Variants in DNAJA1 observed in about 807,000 individuals in gnomAD.
The protein encoded by DNAJA1 is DnaJ heat shock protein family (Hsp40) member A1.
A neutral mutation model predicts 47.6 loss-of-function variants in DNAJA1; 26 were observed. The observed-to-expected ratio is 0.55, with a 90% CI of 0.40 to 0.76. The LOEUF (loss-of-function observed/expected upper bound fraction) is 0.76. DNAJA1 is among the 30% of genes least tolerant of loss of function. DNAJA1 has a pLI of 0.00. For missense variants in DNAJA1, 315 were observed against 485.0 expected (o/e 0.65, Z 3.29); for synonymous variants, 165 against 158.4 (o/e 1.04, Z -0.31).
chr9:33,032,888 A>G (rs933528290), intron 5 of DNAJA1, among the ~76,000 whole-genome samples: 2 of 152,178 alleles, frequency 1.3e-5, no homozygotes, highest in Non-Finnish European at 2.9e-5. Context: ...GTCATGAGTT[A>G]GTAACTGCTG....
chr9:33,031,153 A>G (rs916263565), intron 5 of DNAJA1, among the ~76,000 whole-genome samples: 4 of 152,136 alleles, frequency 2.6e-5, no homozygotes, highest in Non-Finnish European at 4.4e-5. Context: ...GGAGTGTGCA[A>G]TGGCACGATC....
At chr9:33,030,031 C>A (rs1259494859) in intron 4 of DNAJA1, 42 bp downstream of exon 4, 1 of 1,550,518 alleles carries the variant, frequency 6.4e-7, no homozygotes, top group Non-Finnish European at 8.8e-7. Flanking sequence ...TTTTTAAGCA[C>A]CTTTAATATG....
In DNAJA1 at chr9:33,037,317, CAA is replaced by C. The variant is rs869097293; in HGVS notation, c.975+216_975+217del. On this transcript the variant is annotated intron_variant, in intron 8 of 8. Coordinates refer to ENST00000330899, the MANE Select transcript of DNAJA1 (RefSeq NM_001539.4). Reference sequence around the variant, plus strand: ...GTGAAACCCTGTCTCTTTAAAAAAACAAAAAAAAAAAAAAATTAAAATTTCTG... The same window carrying C: ...GTGAAACCCTGTCTCTTTAAAAAAACAAAAAAAAAAAAATTAAAATTTCTG... 778 of 159,676 alleles carry C rather than the reference CAA, an allele frequency of 4.9e-3. 6 individuals carry two copies. Among genetic ancestry groups the C allele is most frequent in the Non-Finnish European group, 6.6e-3 (592 of 89,088 alleles). The allele number at this position is 159,676 out of a possible 1,614,324, so 9.9% of individuals were successfully genotyped here. A position where few individuals can be genotyped will look rare whatever the true frequency, so the allele number is the denominator to read the frequency against.
At chr9:33,038,408 T>G (rs1307643959) in intron 8 of DNAJA1, among the ~76,000 whole-genome samples, 1 of 152,216 alleles carries the variant, frequency 6.6e-6, no homozygotes, top group Non-Finnish European at 1.5e-5. Context: ...GTTTTGGTAT[T>G]AAAAAGTCAG....
chr9:33,036,880 G>A (rs1839043288), intron 7 of DNAJA1, 135 bp from the exon 8 acceptor site: 2 of 862,908 alleles, frequency 2.3e-6, no homozygotes, highest in Non-Finnish European at 1.8e-6. Context: ...ACCCATAAGT[G>A]AAAGGTAACA....
chr9:33,029,907 C>G lies in DNAJA1; in HGVS notation c.333C>G (p.Leu111=). Residue 111 remains leucine, a synonymous_variant, in exon 4 of 9, where the codon CTC becomes CTG. Transcript: ENST00000330899. ...TAGGTAAAAATGTTGTACATCAGCT[C>G]TCAGTAACCCTAGAAGACTTATATA... ...ERRGKNVVHQ[L]SVTLEDLYNG... The G allele has an allele frequency of 6.2e-7, 1 of 1,608,910 alleles. No individual in the cohort carries two copies. The highest frequency in any genetic ancestry group is 8.5e-7 in the Non-Finnish European group (1 of 1,178,614).
At chr9:33,036,986 A>G in intron 7 of DNAJA1, 29 bp from the exon 8 acceptor site, 1 of 1,583,794 alleles carries the variant, frequency 6.3e-7, no homozygotes, top group Non-Finnish European at 8.6e-7. Flanking sequence ...GACCATACTT[A>G]AGGAAGAACT....
At chr9:33,036,821 G>T (rs1839042573) in intron 7 of DNAJA1, 132 bp downstream of exon 7, 2 of 795,868 alleles carry the variant, frequency 2.5e-6, no homozygotes, top group Admixed American at 2.9e-5. Flanking sequence ...TCCTTCTCTG[G>T]GCTTAGATGA....
intron 5 of DNAJA1, among the ~76,000 whole-genome samples, chr9:33,031,495 G>A (rs1196756853): frequency 6.6e-6 from 1 of 152,004 alleles, no homozygotes; most frequent in African/African-American, 2.4e-5. Flanking sequence ...GCAGTGATGC[G>A]ATCTTGGCTC....
At chr9:33,030,078 T>A (rs566662971) in intron 4 of DNAJA1, 89 bp downstream of exon 4, 5 of 1,270,610 alleles carry the variant, frequency 3.9e-6, no homozygotes, top group Non-Finnish European at 5.5e-6. Flanking sequence ...TAGATAGATA[T>A]GTAAAATTGA....
Position 33,038,847 on chromosome 9 carries a change from G to A in DNAJA1, c.1138G>A (p.Ala380Thr). ...AAGACGGCGCCACTACAATGGAGAA[G>A]CATATGAGGATGATGAACATCATCC... ...QERRRHYNGE[A>T]YEDDEHHPRG... Residue 380 changes from alanine to threonine, a missense_variant, in exon 9 of 9, where the codon GCA becomes ACA. Physicochemically the swap from Ala to Thr is moderately conservative, Grantham distance 58. Around this residue, in one of 4 missense-constraint regions of DNAJA1, gnomAD observed 162 missense variants for 185.4 expected, o/e 0.87. Transcript: ENST00000330899. The A allele has an allele frequency of 6.2e-7, 1 of 1,613,992 alleles. No homozygotes were observed. Among genetic ancestry groups the A allele is most frequent in the Non-Finnish European group, 8.5e-7 (1 of 1,180,024 alleles).
At chr9:33,036,291 C>T (rs1324277970) in intron 6 of DNAJA1, 4 of 162,432 alleles carry the variant, frequency 2.5e-5, no homozygotes, top group African/African-American at 9.8e-5. Flanking sequence ...CTCTGAGAAA[C>T]CAGATTTAAA....
chr9:33,034,410 TA>T, intron 6 of DNAJA1, 80 bp downstream of exon 6: 1 of 1,074,168 alleles, frequency 9.3e-7, no homozygotes, highest in Non-Finnish European at 1.4e-6. Context: ...TTGTTTTTTT[TA>T]AAGTGTTTTC....
chr9:33,037,684 A>T (rs1178342399), intron 8 of DNAJA1, among the ~76,000 whole-genome samples: 1 of 152,154 alleles, frequency 6.6e-6, no homozygotes, highest in Non-Finnish European at 1.5e-5. Flanking sequence ...CCTGTCTCAA[A>T]AAAAGAAAAA....
At chr9:33,032,279 T>A (rs1408755838) in intron 5 of DNAJA1, among the ~76,000 whole-genome samples, 3 of 152,234 alleles carry the variant, frequency 2.0e-5, no homozygotes, top group Admixed American at 2.0e-4. Context: ...TAAAAATAAG[T>A]TTCCTTGGCC....
At chr9:33,030,759 G>T in intron 5 of DNAJA1, 92 bp downstream of exon 5, 1 of 1,067,568 alleles carries the variant, frequency 9.4e-7, no homozygotes, top group Non-Finnish European at 1.4e-6. Flanking sequence ...TTCTTAATTA[G>T]GTTATATATG....
Position 33,037,104 on chromosome 9 carries a change from A to C in DNAJA1, c.964A>C (p.Ile322Leu). Residue 322 changes from isoleucine to leucine, a missense_variant, in exon 8 of 9, where the codon ATC becomes CTC. By Grantham distance (5) the Ile-to-Leu change is conservative. Around this residue, in one of 4 missense-constraint regions of DNAJA1, gnomAD observed 162 missense variants for 185.4 expected, o/e 0.87. Transcript: ENST00000330899. ...RRPYEKGRLI[I>L]EFKVNFPENG... Reference sequence around the variant, plus strand: ...ACCATATGAAAAGGGTCGCCTAATCATCGAATTTAAGGTAAGCTGTAATGT... The same window carrying C: ...ACCATATGAAAAGGGTCGCCTAATCCTCGAATTTAAGGTAAGCTGTAATGT... 6.2e-7 allele frequency: 1 copy of C among 1,613,942 alleles called. No individual in the cohort carries two copies. The highest frequency in any genetic ancestry group is 8.5e-7 in the Non-Finnish European group (1 of 1,179,886).
intron 8 of DNAJA1, among the ~76,000 whole-genome samples, chr9:33,037,855 T>C (rs943034399): frequency 2.0e-5 from 3 of 152,148 alleles, no homozygotes; most frequent in African/African-American, 7.2e-5. Flanking sequence ...GTAACTGGCA[T>C]CTTAAAGTTG....
intron 1 of DNAJA1, among the ~76,000 whole-genome samples, chr9:33,025,998 G>A (rs1240555419): frequency 6.6e-6 from 1 of 152,198 alleles, no homozygotes; most frequent in African/African-American, 2.4e-5. Flanking sequence ...TGGAGGGCTT[G>A]CTGTGTGGAG....
Sources: gnomAD v4.1 joint callset for allele counts (sites outside exome capture counted in the v4.1 genomes callset) on GRCh38, gnomAD v4.1.1 for gene constraint, gnomAD v4.1.1 regional missense constraint, MANE v1.5 for transcripts, NCBI Gene and HGNC (gene_info 2026-07-23, HGNC 2026-07-21) for gene names.